The following PCNX2 variants were observed in gnomAD, a reference collection of about 807,000 sequenced individuals.
PCNX2 encodes pecanex-like protein 2.
PCNX2 carries 168 observed loss-of-function variants against 223.8 expected under a neutral mutation model. The observed-to-expected ratio is 0.75, with a 90% CI of 0.66 to 0.85. PCNX2 has a LOEUF of 0.85. Ranked by LOEUF, PCNX2 falls within the 40% of genes least tolerant of loss-of-function variation. The probability of loss-of-function intolerance (pLI) is 0.00; values close to 1 mark genes in which losing one functional copy is unlikely to be tolerated. For synonymous variants in PCNX2, 1,006 were observed against 1,052.6 expected (o/e 0.96, Z 0.86); for missense variants, 2,507 against 2,675.5 (o/e 0.94, Z 1.39).
intron 21 of PCNX2, among the ~76,000 whole-genome samples, chr1:233,105,898 A>T (rs1297220920): frequency 6.6e-6 from 1 of 152,220 alleles, no homozygotes; most frequent in Admixed American, 6.5e-5. Context: ...AGATGTAGGA[A>T]TGCACAAAAC....
At chr1:233,087,767 C>T (rs1673677290) in intron 23 of PCNX2, among the ~76,000 whole-genome samples, 1 of 152,126 alleles carries the variant, frequency 6.6e-6, no homozygotes, top group African/African-American at 2.4e-5. Flanking sequence ...GCACCAAGAA[C>T]TCTCTCCTGC....
At chr1:233,172,076 A>G (rs1679185740) in intron 17 of PCNX2, among the ~76,000 whole-genome samples, 1 of 152,178 alleles carries the variant, frequency 6.6e-6, no homozygotes, top group Non-Finnish European at 1.5e-5. Context: ...ATTGTTTTAA[A>G]TATTTTCTAT....
Position 233,054,420 on chromosome 1 carries a change from G to A in PCNX2, c.4199C>T (p.Ser1400Phe), listed in dbSNP as rs760197273. 2 of 1,613,874 alleles carry A rather than the reference G, an allele frequency of 1.2e-6. No individual in the cohort carries two copies. Among genetic ancestry groups the A allele is most frequent in the South Asian group, 2.2e-5 (2 of 91,070 alleles). The part of the protein sequence containing the change: ...YEHLTRTLQE[S>F]LCGDLVLGRW... ...TCCAAGAACTAAGTCTCCACAGAGG[G>A]ACTCCTGGAGGGTCCTTGTCAAGTG... The change falls in exon 25 of 34, where the codon TCC becomes TTC. Residue 1400 changes from serine to phenylalanine, a missense_variant. By Grantham distance (155) the Ser-to-Phe change is radical (BLOSUM62 -2). This residue lies in a region of PCNX2 where 1,372 missense variants were observed against 1,509.4 expected (regional missense o/e 0.91). Coordinates refer to ENST00000258229, the MANE Select transcript of PCNX2 (RefSeq NM_014801.4).
At chr1:233,228,899 A>T (rs1657896346) in intron 9 of PCNX2, among the ~76,000 whole-genome samples, 1 of 152,224 alleles carries the variant, frequency 6.6e-6, no homozygotes, top group South Asian at 2.1e-4. Context: ...ACATGGATTT[A>T]AGGTTATGAT....
chr1:233,305,357 A>T, the PCNX2 span, among the ~76,000 whole-genome samples: 1 of 152,236 alleles, frequency 6.6e-6, no homozygotes, highest in Non-Finnish European at 1.5e-5. Context: ...TATTGAAATG[A>T]AGCTAATATT....
At chr1:233,208,920 A>G (rs992023233) in intron 12 of PCNX2, among the ~76,000 whole-genome samples, 2 of 151,078 alleles carry the variant, frequency 1.3e-5, no homozygotes, top group Admixed American at 1.3e-4. Context: ...ACTATCAAAA[A>G]AAAAATGTTA....
At chr1:233,282,011 T>C (rs928683707) in intron 1 of PCNX2, among the ~76,000 whole-genome samples, 1 of 152,116 alleles carries the variant, frequency 6.6e-6, no homozygotes, top group Non-Finnish European at 1.5e-5. Flanking sequence ...TTCTGCTCCC[T>C]GCTTGAAAGA....
intron 8 of PCNX2, among the ~76,000 whole-genome samples, chr1:233,245,823 G>A (rs1212703040): frequency 1.3e-5 from 2 of 152,154 alleles, no homozygotes; most frequent in Non-Finnish European, 2.9e-5. Context: ...GGCTGAGGCA[G>A]GAGAATCACT....
chr1:233,179,146 T>C lies in PCNX2; in HGVS notation c.3096A>G (p.Ala1032=), dbSNP rs1203879056. 1.9e-6 allele frequency: 3 copies of C among 1,613,840 alleles called. No homozygotes were observed. Among genetic ancestry groups the C allele is most frequent in the Non-Finnish European group, 1.7e-6 (2 of 1,179,820 alleles). The change falls in exon 16 of 34, where the codon GCA becomes GCG. Residue 1032 remains alanine, a synonymous_variant. Coordinates refer to ENST00000258229, the MANE Select transcript of PCNX2 (RefSeq NM_014801.4). ...KEPWSMQHIP[A]LFSAFCGLLV... Reference sequence around the variant, plus strand: ...AGAGGCCACAGAAGGCCGAAAACAGTGCCGGGATGTGTTGCATGCTCCACG... The same window carrying C: ...AGAGGCCACAGAAGGCCGAAAACAGCGCCGGGATGTGTTGCATGCTCCACG...
intron 17 of PCNX2, among the ~76,000 whole-genome samples, chr1:233,174,424 G>A (rs995907765): frequency 7.3e-5 from 11 of 150,216 alleles, no homozygotes; most frequent in Admixed American, 1.3e-4. Flanking sequence ...TGGTAAATCC[G>A]TGCATGTTTA....
intron 19 of PCNX2, among the ~76,000 whole-genome samples, chr1:233,153,898 G>C (rs1307042357): frequency 6.6e-6 from 1 of 152,118 alleles, no homozygotes; most frequent in Admixed American, 6.5e-5. Context: ...AGAGCTCTCA[G>C]AATCATGTGC....
intron 23 of PCNX2, among the ~76,000 whole-genome samples, chr1:233,067,755 G>A (rs1672683085): frequency 6.6e-6 from 1 of 152,168 alleles, no homozygotes; most frequent in Admixed American, 6.5e-5. Flanking sequence ...TTACAGGTGT[G>A]AGCTGCAGTG....
chr1:233,026,101 AAAT>A (rs1192836787), intron 25 of PCNX2, among the ~76,000 whole-genome samples: 3 of 152,212 alleles, frequency 2.0e-5, no homozygotes, highest in Admixed American at 6.5e-5. Flanking sequence ...AGACACAAAA[AAAT>A]AATAATAAAG....
intron 15 of PCNX2, among the ~76,000 whole-genome samples, chr1:233,197,117 G>A (rs1198114229): frequency 6.6e-6 from 1 of 152,164 alleles, no homozygotes; most frequent in African/African-American, 2.4e-5. Flanking sequence ...GGAGATAGGG[G>A]AAGAGACTGA....
At chr1:233,053,356 A>C (rs1672075044) in intron 25 of PCNX2, among the ~76,000 whole-genome samples, 1 of 151,994 alleles carries the variant, frequency 6.6e-6, no homozygotes. Flanking sequence ...TCTCCTCTCC[A>C]GGCCCTCCTC....
chr1:233,225,110 T>TTAAA (rs781425714), intron 10 of PCNX2, among the ~76,000 whole-genome samples: 2 of 42,220 alleles, frequency 4.7e-5, no homozygotes, highest in Non-Finnish European at 4.4e-5. Context: ...AGAACTAAAG[T>TTAAA]AAAAAAAAAA....
In PCNX2 at chr1:232,999,311, G is replaced by A; in HGVS notation, c.5397C>T (p.Arg1799=). The A allele has an allele frequency of 6.2e-7, 1 of 1,607,768 alleles. No homozygotes were observed. Among genetic ancestry groups the A allele is most frequent in the South Asian group, 1.1e-5 (1 of 89,818 alleles). Residue 1799 remains arginine (R), a synonymous_variant, in exon 31 of 34, where the codon CGC becomes CGT. Transcript: ENST00000258229. ...QQQELIFLRN[R]NPERGSIQNN... Reference sequence around the variant, plus strand: ...TCTGGATACTGCCGCGCTCCGGATTGCGGTTGCGAAGAAATATAAGCTCCT... The same window carrying A: ...TCTGGATACTGCCGCGCTCCGGATTACGGTTGCGAAGAAATATAAGCTCCT...
In PCNX2 at chr1:233,000,309, A is replaced by G. The variant is rs763915527; in HGVS notation, c.5324T>C (p.Ile1775Thr). Residue 1775 changes from isoleucine to threonine, a missense_variant, in exon 30 of 34, where the codon ATC becomes ACC. Transcript: ENST00000258229. The surrounding 1 kb of genome is among the most constrained non-coding windows in gnomAD (Gnocchi z 4.6). Reference protein sequence around the residue: ...LHRSFLSFKVIKVNKECVRGL... With the variant: ...LHRSFLSFKVTKVNKECVRGL... ...CAGAAAGTGTGGCCGCCATACCTTG[A>G]TCACCTTGAAGCTCAGGAAGCTTCT... is the stretch of plus-strand genomic sequence containing the variant. The G allele has an allele frequency of 2.3e-5, 37 of 1,613,832 alleles. No homozygotes were observed. Among genetic ancestry groups the G allele is most frequent in the Non-Finnish European group, 3.1e-5 (37 of 1,179,886 alleles).
intron 21 of PCNX2, among the ~76,000 whole-genome samples, chr1:233,121,586 T>C (rs897591444): frequency 2.0e-5 from 3 of 152,004 alleles, no homozygotes; most frequent in African/African-American, 7.3e-5. Flanking sequence ...TTCTATGGAG[T>C]AGAAGGTTCT....
Sources: allele counts gnomAD v4.1 joint callset (sites outside exome capture counted in the v4.1 genomes callset), GRCh38; gene constraint gnomAD v4.1.1; regional missense constraint gnomAD v4.1.1; non-coding constraint Gnocchi (gnomAD v3.1); transcripts MANE v1.5; gene names NCBI Gene and HGNC (gene_info 2026-07-23, HGNC 2026-07-21).